PXDNL: variants seen among roughly 807,000 people sequenced by gnomAD.
PXDNL encodes probable oxidoreductase PXDNL.
In PXDNL, 145 loss-of-function variants were observed where a neutral mutation model predicts 150.8. The ratio of observed to expected loss-of-function variants is 0.96; its 90% CI spans 0.84 to 1.10. The LOEUF (loss-of-function observed/expected upper bound fraction) is 1.10, where lower values mean the gene tolerates loss of function less well. PXDNL is among the 50% of genes least tolerant of loss of function. The pLI is 0.00. For synonymous variants in PXDNL, 757 were observed against 725.7 expected (o/e 1.04, Z -0.69); for missense variants, 2,087 against 1,873.9 (o/e 1.11, Z -2.10).
At chr8:51,770,498 C>A (rs977139947) in intron 1 of PXDNL, among the ~76,000 whole-genome samples, 1 of 152,184 alleles carries the variant, frequency 6.6e-6, no homozygotes, top group African/African-American at 2.4e-5. Context: ...TTGCTTGTTA[C>A]AGAATGTAAC....
intron 14 of PXDNL, 39 bp downstream of exon 14, chr8:51,423,536 A>G: frequency 6.3e-7 from 1 of 1,584,350 alleles, no homozygotes; most frequent in Non-Finnish European, 8.6e-7. Context: ...GTTCAAAGAC[A>G]GTTATTTGGA....
chr8:51,408,546 G>A lies in PXDNL; in HGVS notation c.3078C>T (p.Gly1026=), dbSNP rs768216539. The change falls in exon 17 of 23, where the codon GGC becomes GGT. Residue 1026 remains glycine (G), a synonymous_variant. Coordinates refer to ENST00000356297, the MANE Select transcript of PXDNL (RefSeq NM_144651.5). ...HWLPKVLGDP[G]TRMLRGYRGY... ...CTCGGTAACCCCTCAGCATCCTAGT[G>A]CCAGGGTCCCCCAGGACCTTAGGCA... The A allele has an allele frequency of 6.2e-7, 1 of 1,613,130 alleles. No individual in the cohort carries two copies. Among genetic ancestry groups the A allele is most frequent in the Non-Finnish European group, 8.5e-7 (1 of 1,179,572 alleles).
chr8:51,531,377 C>T (rs560077907), intron 4 of PXDNL, among the ~76,000 whole-genome samples: 27 of 152,174 alleles, frequency 1.8e-4, no homozygotes, highest in African/African-American at 5.6e-4. Context: ...TTCCTCCCTC[C>T]GCCCCACTGC....
At chr8:51,471,735 G>T in intron 8 of PXDNL, among the ~76,000 whole-genome samples, 1 of 149,422 alleles carries the variant, frequency 6.7e-6, no homozygotes, top group African/African-American at 2.5e-5. Flanking sequence ...TGCCCAGGCT[G>T]GAGTGCAGTG....
At chr8:51,389,228 G>T (rs1427882380) in intron 17 of PXDNL, among the ~76,000 whole-genome samples, 1 of 152,130 alleles carries the variant, frequency 6.6e-6, no homozygotes, top group African/African-American at 2.4e-5. Context: ...CTTGTGCGAG[G>T]ATTTCAGGGG....
chr8:51,320,643 C>A (rs1468767745), intron 22 of PXDNL, 141 bp downstream of exon 22: 2 of 637,642 alleles, frequency 3.1e-6, no homozygotes, highest in Non-Finnish European at 5.4e-6. Context: ...AAATTTCACA[C>A]CAGTACCTTG....
intron 4 of PXDNL, among the ~76,000 whole-genome samples, chr8:51,550,722 A>G (rs188046039): frequency 6.6e-6 from 1 of 151,938 alleles, no homozygotes; most frequent in Non-Finnish European, 1.5e-5. Flanking sequence ...CACAGCCAAC[A>G]TTATACTGAA....
At chr8:51,696,753 C>CCA (rs1816145065) in intron 1 of PXDNL, among the ~76,000 whole-genome samples, 2 of 1,640 alleles carry the variant, frequency 1.2e-3, no homozygotes, top group African/African-American at 2.7e-3. Flanking sequence ...ACATACCCAC[C>CCA]CACACATAGG....
intron 17 of PXDNL, among the ~76,000 whole-genome samples, chr8:51,391,778 A>G (rs996662907): frequency 6.6e-6 from 1 of 152,038 alleles, no homozygotes; most frequent in African/African-American, 2.4e-5. Flanking sequence ...TTTTGTTGCC[A>G]TTGCTTTTGG....
At chr8:51,475,665 T>A (rs538426737) in intron 6 of PXDNL, among the ~76,000 whole-genome samples, 11 of 152,148 alleles carry the variant, frequency 7.2e-5, no homozygotes, top group Admixed American at 6.5e-4. Flanking sequence ...GGGGTACATA[T>A]GCAGTTTGTT....
chr8:51,600,606 T>G (rs1315642280), intron 2 of PXDNL, among the ~76,000 whole-genome samples: 1 of 136,984 alleles, frequency 7.3e-6, no homozygotes. Flanking sequence ...TTATATCGTT[T>G]AGATAATAAA....
intron 1 of PXDNL, among the ~76,000 whole-genome samples, chr8:51,760,844 A>AT (rs1563312827): frequency 2.1e-5 from 1 of 48,036 alleles, no homozygotes; most frequent in Admixed American, 3.0e-4. Flanking sequence ...AATCACTTAA[A>AT]CTTTTTTTTT....
At chr8:51,332,144 T>C (rs1207626010) in intron 21 of PXDNL, among the ~76,000 whole-genome samples, 1 of 152,118 alleles carries the variant, frequency 6.6e-6, no homozygotes, top group Non-Finnish European at 1.5e-5. Context: ...AGAGAGTTCA[T>C]ATCACAGATT....
chr8:51,348,583 T>G (rs1308630613), intron 19 of PXDNL, among the ~76,000 whole-genome samples: 1 of 152,218 alleles, frequency 6.6e-6, no homozygotes, highest in Non-Finnish European at 1.5e-5. Flanking sequence ...AATGCAATGT[T>G]AGTATAGTAG....
Position 51,600,325 on chromosome 8 carries a change from A to G in PXDNL, c.237-7627T>C, listed in dbSNP as rs1409670775. On this transcript the variant is annotated intron_variant, in intron 2 of 22. Transcript: ENST00000356297. ...TTATATGGTTTAGATAATAAATTATATCTTATATAAATTATATCGTTTAGA... is the reference window on the plus strand; with the variant it reads ...TTATATGGTTTAGATAATAAATTATGTCTTATATAAATTATATCGTTTAGA... 1.6e-5 allele frequency among the ~76,000 whole-genome samples: 2 copies of G among 124,802 alleles called. 1 individual carries two copies. The highest frequency in any genetic ancestry group is 6.7e-5 in the African/African-American group (2 of 29,904). The allele number at this position is 124,802 out of a possible 152,430, so 81.9% of individuals were successfully genotyped here. A position where few individuals can be genotyped will look rare whatever the true frequency, so the allele number is the denominator to read the frequency against.
chr8:51,598,088 T>A (rs1353073717), intron 2 of PXDNL, among the ~76,000 whole-genome samples: 2 of 152,190 alleles, frequency 1.3e-5, no homozygotes, highest in Non-Finnish European at 2.9e-5. Context: ...ACTTTTTGTA[T>A]GTTTATTTTG....
chr8:51,500,981 G>A (rs867109398), intron 4 of PXDNL, among the ~76,000 whole-genome samples: 1 of 152,170 alleles, frequency 6.6e-6, no homozygotes, highest in African/African-American at 2.4e-5. Flanking sequence ...TATAGTAAGA[G>A]TACTTCAGAC....
At chr8:51,358,860 C>T (rs973076434) in intron 19 of PXDNL, among the ~76,000 whole-genome samples, 5 of 152,212 alleles carry the variant, frequency 3.3e-5, no homozygotes, top group Non-Finnish European at 5.9e-5. Flanking sequence ...AAATGCAGCA[C>T]ACAATCCTCC....
chr8:51,803,911 T>C (rs913247140), intron 1 of PXDNL, among the ~76,000 whole-genome samples: 6 of 152,206 alleles, frequency 3.9e-5, no homozygotes, highest in African/African-American at 1.4e-4. Flanking sequence ...TCTGAGCCCC[T>C]ACCCCTTCTA....
Sources: allele counts gnomAD v4.1 joint callset (sites outside exome capture counted in the v4.1 genomes callset), GRCh38; gene constraint gnomAD v4.1.1; transcripts MANE v1.5; gene names NCBI Gene and HGNC (gene_info 2026-07-23, HGNC 2026-07-21).